The following DPYD variants were observed in gnomAD, a reference collection of about 807,000 sequenced individuals.
DPYD encodes dihydropyrimidine dehydrogenase.
Under a neutral mutation model 116.2 loss-of-function variants are expected in DPYD, and 109 were observed. That is an observed-to-expected ratio of 0.94 (90% confidence interval 0.80 to 1.10). The LOEUF is 1.10. DPYD is among the 50% of genes least tolerant of loss of function. The pLI is 0.00. For missense variants in DPYD, 1,302 were observed against 1,254.5 expected (o/e 1.04, Z -0.57); for synonymous variants, 440 against 432.0 (o/e 1.02, Z -0.23).
intron 5 of DPYD, among the ~76,000 whole-genome samples, chr1:97,709,179 A>G (rs1662148770): frequency 6.6e-6 from 1 of 151,812 alleles, no homozygotes; most frequent in Non-Finnish European, 1.5e-5. Flanking sequence ...CCCTACAAAT[A>G]TTGTATCACT....
chr1:97,316,094 A>G (rs1667811882), intron 16 of DPYD, among the ~76,000 whole-genome samples: 1 of 151,998 alleles, frequency 6.6e-6, no homozygotes, highest in Admixed American at 6.6e-5. Context: ...GCAAGACAAA[A>G]TTATCCATCA....
chr1:97,373,826 C>A (rs964784129), intron 15 of DPYD, among the ~76,000 whole-genome samples, 182 bp from the exon 16 acceptor site: 6 of 152,156 alleles, frequency 3.9e-5, no homozygotes, highest in Non-Finnish European at 5.9e-5. Flanking sequence ...CAACCACCAC[C>A]ACAACAACAA....
chr1:97,785,681 CTTTTTTTTTTT>C lies in DPYD; in HGVS notation c.233+42422_233+42432del, dbSNP rs35229030. On this transcript the variant is annotated intron_variant, in intron 3 of 22. Transcript: ENST00000370192. ...CTTTTTTTCTTTTGGGCCACTGACT[CTTTTTTTTTTT>C]TTTTTTTTTTTTTTTTTTTAGACGG... Among the ~76,000 whole-genome samples, 294 of 62,552 alleles carry C rather than the reference CTTTTTTTTTTT, an allele frequency of 4.7e-3. 2 individuals are homozygous for C. Among genetic ancestry groups the C allele is most frequent in the African/African-American group, 0.018 (259 of 14,192 alleles). 41.0% of individuals were successfully genotyped at this position (62,552 alleles called of 152,430 possible).
At chr1:97,137,027 AT>A (rs1157852329) in intron 20 of DPYD, among the ~76,000 whole-genome samples, 1 of 152,160 alleles carries the variant, frequency 6.6e-6, no homozygotes, top group Non-Finnish European at 1.5e-5. Context: ...CCACCTATTA[AT>A]TTTTCCAGTG....
At chr1:97,481,622 GC>G (rs777819921) in intron 13 of DPYD, among the ~76,000 whole-genome samples, 10 of 152,064 alleles carry the variant, frequency 6.6e-5, no homozygotes, top group Non-Finnish European at 1.2e-4. Context: ...TAATACCAAA[GC>G]GTTTTCCTTT....
At chr1:97,217,639 A>G (rs1432120802) in intron 19 of DPYD, among the ~76,000 whole-genome samples, 6 of 152,064 alleles carry the variant, frequency 3.9e-5, no homozygotes, top group African/African-American at 7.2e-5. Flanking sequence ...CTGTACCAAA[A>G]AAAAAAAAAA....
At chr1:97,839,033 T>C (rs939428725) in intron 2 of DPYD, among the ~76,000 whole-genome samples, 2 of 152,118 alleles carry the variant, frequency 1.3e-5, no homozygotes, top group Admixed American at 1.3e-4. Context: ...TTTATAGCCT[T>C]AAATCAGACT....
At chr1:97,261,493 C>CTTTTT (rs1210765677) in intron 18 of DPYD, among the ~76,000 whole-genome samples, 8 of 122,474 alleles carry the variant, frequency 6.5e-5, no homozygotes, top group African/African-American at 1.3e-4. Context: ...GACTATGCAT[C>CTTTTT]TTTTTTTTTT....
At chr1:97,417,385 C>T (rs895864750) in intron 14 of DPYD, among the ~76,000 whole-genome samples, 21 of 152,154 alleles carry the variant, frequency 1.4e-4, no homozygotes, top group African/African-American at 5.1e-4. Flanking sequence ...AAGCACTCAA[C>T]CAATATTAGC....
intron 20 of DPYD, among the ~76,000 whole-genome samples, chr1:97,183,440 T>C (rs1054137004): frequency 2.6e-5 from 4 of 152,092 alleles, no homozygotes; most frequent in African/African-American, 9.7e-5. Context: ...TTCTGGACTT[T>C]CTATCCATTA....
chr1:97,110,673 C>CT (rs1651525329), intron 20 of DPYD, among the ~76,000 whole-genome samples: 1 of 152,040 alleles, frequency 6.6e-6, no homozygotes, highest in Non-Finnish European at 1.5e-5. Context: ...TAGTGTCTGT[C>CT]TTCACACCTT....
chr1:97,120,761 T>C (rs1199298004), intron 20 of DPYD, among the ~76,000 whole-genome samples: 2 of 152,196 alleles, frequency 1.3e-5, no homozygotes, highest in Non-Finnish European at 2.9e-5. Flanking sequence ...AGTACAAAGC[T>C]TCTTTTGCAA....
chr1:97,284,262 T>C (rs942737146), intron 18 of DPYD, among the ~76,000 whole-genome samples: 3 of 152,130 alleles, frequency 2.0e-5, no homozygotes, highest in Admixed American at 2.0e-4. Context: ...CTATTTTTAA[T>C]AGTAAACTCA....
chr1:97,659,044 C>A (rs1659102871), intron 8 of DPYD, among the ~76,000 whole-genome samples: 1 of 152,172 alleles, frequency 6.6e-6, no homozygotes, highest in African/African-American at 2.4e-5. Context: ...GGCTCCCTCC[C>A]TGACCCAATA....
intron 13 of DPYD, among the ~76,000 whole-genome samples, chr1:97,491,045 A>G (rs999573472): frequency 2.0e-5 from 3 of 149,406 alleles, no homozygotes; most frequent in African/African-American, 7.3e-5. Flanking sequence ...TCCATCTCTC[A>G]TAAAATGATC....
intron 19 of DPYD, among the ~76,000 whole-genome samples, chr1:97,231,050 T>C (rs182901979): frequency 2.0e-5 from 3 of 152,376 alleles, no homozygotes; most frequent in African/African-American, 7.2e-5. Flanking sequence ...TAGTACTCTA[T>C]GTATATTTAC....
At chr1:97,813,245 A>T (rs374191078) in intron 3 of DPYD, among the ~76,000 whole-genome samples, 4 of 152,166 alleles carry the variant, frequency 2.6e-5, no homozygotes, top group Admixed American at 2.6e-4. Flanking sequence ...AAAAGAAAAA[A>T]AATCTGATTC....
intron 2 of DPYD, among the ~76,000 whole-genome samples, chr1:97,882,777 T>A (rs1022865017): frequency 2.6e-5 from 4 of 152,022 alleles, no homozygotes; most frequent in Non-Finnish European, 5.9e-5. Context: ...TCATAGAACA[T>A]CTAATGTTCA....
intron 8 of DPYD, among the ~76,000 whole-genome samples, chr1:97,668,011 A>G (rs1313371308): frequency 6.6e-6 from 1 of 152,122 alleles, no homozygotes; most frequent in Non-Finnish European, 1.5e-5. Flanking sequence ...GAATAGTCAA[A>G]TTCATAGATT....
Sources: gnomAD v4.1 joint callset for allele counts (sites outside exome capture counted in the v4.1 genomes callset) on GRCh38, gnomAD v4.1.1 for gene constraint, MANE v1.5 for transcripts, NCBI Gene and HGNC (gene_info 2026-07-23, HGNC 2026-07-21) for gene names.